PLAC1: variants seen among roughly 807,000 people sequenced by gnomAD.
PLAC1 encodes placenta-specific protein 1.
For missense variants in PLAC1, 136 were observed against 163.2 expected (o/e 0.83, Z 0.91); for synonymous variants, 68 against 62.1 (o/e 1.09, Z -0.44).
upstream of PLAC1, among the ~76,000 whole-genome samples, chrX:134,660,815 G>C (rs188716069): frequency 1.9e-4 from 21 of 111,821 alleles, no homozygotes; most frequent in African/African-American, 5.8e-4. Context: ...CTTAGTATCA[G>C]CCTCTGGAGC....
At chrX:134,578,515 C>CTTTTTTTTT (rs766626696) in intron 2 of PLAC1, among the ~76,000 whole-genome samples, 53 of 55,887 alleles carry the variant, frequency 9.5e-4, no homozygotes, top group East Asian at 1.5e-3. Context: ...TTCTTTCTTT[C>CTTTTTTTTT]TTTTTTTTTT....
chrX:134,743,161 G>A (rs2078721133), intron 1 of PLAC1, among the ~76,000 whole-genome samples: 1 of 111,864 alleles, frequency 8.9e-6, no homozygotes, highest in Admixed American at 9.5e-5. Flanking sequence ...GAAAGGCAAT[G>A]TTTGTGAGGC....
intron 2 of PLAC1, among the ~76,000 whole-genome samples, chrX:134,680,371 T>C (rs1182758953): frequency 9.0e-6 from 1 of 111,253 alleles, no homozygotes; most frequent in Non-Finnish European, 1.9e-5. Flanking sequence ...CACACCATCA[T>C]AGCTACTCTA....
At chrX:134,656,609 C>A (rs1450462782) in intron 1 of PLAC1, among the ~76,000 whole-genome samples, 3 of 111,056 alleles carry the variant, frequency 2.7e-5, no homozygotes. Flanking sequence ...TTTTGAGATG[C>A]GGTTGTGCTC....
intron 1 of PLAC1, among the ~76,000 whole-genome samples, chrX:134,753,922 T>A (rs977750578): frequency 5.4e-5 from 6 of 111,571 alleles, no homozygotes; most frequent in Non-Finnish European, 1.1e-4. Context: ...CCATAAAACT[T>A]AAATACCCCG....
intron 1 of PLAC1, among the ~76,000 whole-genome samples, chrX:134,753,533 A>G (rs73633410): frequency 0.019 from 2,043 of 110,252 alleles, 50 homozygotes; most frequent in African/African-American, 0.062. Flanking sequence ...TAATAAGCCC[A>G]ACGACATCAA....
rs1181079788 is a variant in PLAC1 at position 134,566,053 on chromosome X, C to T, written c.630G>A (p.Gly210=). 1.7e-6 allele frequency: 2 copies of T among 1,205,830 alleles called. No individual in the cohort carries two copies. The highest frequency in any genetic ancestry group is 2.2e-6 in the Non-Finnish European group (2 of 891,869). Residue 210 remains glycine (G), a synonymous_variant, in exon 3 of 3, where the codon GGG becomes GGA. Transcript: ENST00000359237. ...DWSLHTDDMI[G]SM is the part of the protein sequence containing the mutation. ...ACCCCAAACCTGAGGATCACATGGA[C>T]CCAATCATATCATCTGTGTGAAGAG...
chrX:134,722,702 G>A (rs1454620387), intron 2 of PLAC1, among the ~76,000 whole-genome samples: 2 of 111,742 alleles, frequency 1.8e-5, no homozygotes, highest in African/African-American at 6.5e-5. Flanking sequence ...AATAAAAAAC[G>A]AAAAAGTTAT....
chrX:134,628,710 T>C (rs952204451), intron 1 of PLAC1, among the ~76,000 whole-genome samples: 2 of 112,459 alleles, frequency 1.8e-5, no homozygotes, highest in African/African-American at 3.2e-5. Context: ...ATGTTTTCTA[T>C]ATTCCATTTT....
chrX:134,614,596 TACAC>T (rs112359386), intron 1 of PLAC1, among the ~76,000 whole-genome samples: 1 of 106,494 alleles, frequency 9.4e-6, no homozygotes. Context: ...GTATATATGA[TACAC>T]ACACACACAC....
At chrX:134,703,694 G>T (rs775925197) in intron 2 of PLAC1, among the ~76,000 whole-genome samples, 2 of 109,933 alleles carry the variant, frequency 1.8e-5, no homozygotes, top group African/African-American at 6.6e-5. Flanking sequence ...TTCTAAAATG[G>T]TGATAATTGA....
At chrX:134,580,489 C>T (rs912999780) in intron 2 of PLAC1, among the ~76,000 whole-genome samples, 1 of 111,901 alleles carries the variant, frequency 8.9e-6, no homozygotes, top group Non-Finnish European at 1.9e-5. Context: ...AAAGCCAGAA[C>T]GAGAAGCTTC....
intron 1 of PLAC1, chrX:134,733,681 G>A (rs1260485673): frequency 9.0e-6 from 1 of 111,271 alleles, no homozygotes; most frequent in African/African-American, 3.3e-5. Context: ...GATCCTCAAA[G>A]GGCAAGAGGA....
chrX:134,629,838 G>A (rs2078251880), intron 1 of PLAC1, among the ~76,000 whole-genome samples: 1 of 111,742 alleles, frequency 8.9e-6, no homozygotes, highest in African/African-American at 3.3e-5. Flanking sequence ...GCAAACTGGA[G>A]GTAACTGAGC....
intron 1 of PLAC1, among the ~76,000 whole-genome samples, chrX:134,603,303 ATATATATATATTTTTTTTTTTTTTTTTT>A (rs2078103238): frequency 1.9e-4 from 1 of 5,241 alleles, no homozygotes; most frequent in African/African-American, 7.2e-4. Flanking sequence ...ATATATATAT[ATATATATATATTTTTTTTTTTTTTTTTT>A]TTTTTTTTTT....
intron 1 of PLAC1, among the ~76,000 whole-genome samples, chrX:134,758,565 A>C (rs1189843557): frequency 8.9e-6 from 1 of 112,284 alleles, no homozygotes; most frequent in East Asian, 2.8e-4. Flanking sequence ...TTTCTTCAAC[A>C]AATAGTGCTG....
chrX:134,617,327 G>A (rs1437878906), intron 1 of PLAC1, among the ~76,000 whole-genome samples: 1 of 111,734 alleles, frequency 8.9e-6, no homozygotes, highest in Non-Finnish European at 1.9e-5. Context: ...TTCAAAAAAG[G>A]TGTGTGGTTG....
chrX:134,704,406 T>C (rs2078594086), intron 2 of PLAC1, among the ~76,000 whole-genome samples: 1 of 102,622 alleles, frequency 9.7e-6, no homozygotes, highest in Non-Finnish European at 2.0e-5. Context: ...GGAAGGAGAA[T>C]CACTTGAACC....
intron 1 of PLAC1, among the ~76,000 whole-genome samples, chrX:134,648,230 C>T (rs1169174837): frequency 9.0e-6 from 1 of 111,161 alleles, no homozygotes; most frequent in Non-Finnish European, 1.9e-5. Flanking sequence ...AGATGGAGAG[C>T]CTGGGATGGG....
Sources: gnomAD v4.1 joint callset for allele counts (sites outside exome capture counted in the v4.1 genomes callset) on GRCh38, gnomAD v4.1.1 for gene constraint, MANE v1.5 for transcripts, NCBI Gene and HGNC (gene_info 2026-07-23, HGNC 2026-07-21) for gene names.